Variants in CCDC127 observed in about 807,000 individuals in gnomAD.
CCDC127 encodes the protein coiled-coil domain-containing protein 127.
In CCDC127, 2 loss-of-function variants were observed where a neutral mutation model predicts 4.1. That is an observed-to-expected ratio of 0.49 (90% confidence interval 0.20 to 1.53). CCDC127 has a LOEUF of 1.53. Ranked by LOEUF, CCDC127 falls within the 40% of genes most tolerant of loss-of-function variation. The pLI is 0.23. For synonymous variants in CCDC127, 98 were observed against 120.4 expected, an observed-to-expected ratio of 0.81 and a Z score of 1.22; for missense variants, 271 against 322.9, an observed-to-expected ratio of 0.84 and a Z score of 1.23.
chr5:205,677 G>A lies in CCDC127; in HGVS notation c.403C>T (p.Gln135Ter). ...CTCAAATACGCACTTCTCAAAGGCT[G>A]CACCTGTCTTTTTTCTTGCATCACC... is the stretch of plus-strand genomic sequence containing the variant. The part of the protein sequence containing the change: ...AQVMQEKRQV[Q>*]PLRSAYLSCL... Residue 135 changes from glutamine to a stop codon, truncating the protein, a stop_gained, in exon 3 of 3, where the codon CAG becomes TAG. Transcript: ENST00000296824. LOFTEE classifies it low-confidence loss of function (END_TRUNC). The A allele has an allele frequency of 6.2e-7, 1 of 1,614,106 alleles. No homozygotes were observed. Among genetic ancestry groups the A allele is most frequent in the Non-Finnish European group, 8.5e-7 (1 of 1,180,018 alleles).
intron 2 of CCDC127, chr5:216,341 G>C (rs1734383157): frequency 8.7e-6 from 2 of 228,906 alleles, no homozygotes; most frequent in Admixed American, 1.0e-4. Context: ...CAGCCCACTG[G>C]TTTCCTTTAC....
Position 201,297 on chromosome 5 carries a change from C to T in CCDC127, c.*4000G>A, listed in dbSNP as rs1180408750. On this transcript the variant is annotated 3_prime_UTR_variant, in exon 3 of 3. Transcript: ENST00000296824. ...TAGCAAACCTAATATGTGAAAGTAA[C>T]TAGAAAGCTGTTTTCTCCCTTCTGC... The T allele has an allele frequency of 6.6e-6, 1 of 152,248 alleles. No homozygotes were observed. Among genetic ancestry groups the T allele is most frequent in the Non-Finnish European group, 1.5e-5 (1 of 68,062 alleles). The allele number at this position is 152,248 out of a possible 1,614,324, so 9.4% of individuals were successfully genotyped here.
Position 205,672 on chromosome 5 carries a change from A to C in CCDC127, c.408T>G (p.Pro136=), listed in dbSNP as rs373349816. 3.5e-5 allele frequency: 57 copies of C among 1,614,052 alleles called. No homozygotes were observed. The African/African-American group carries it at 7.3e-4, about 21-fold the overall frequency. ...GGCAGCTCAAATACGCACTTCTCAA[A>C]GGCTGCACCTGTCTTTTTTCTTGCA... ...QVMQEKRQVQ[P]LRSAYLSCLQ... The change falls in exon 3 of 3, where the codon CCT becomes CCG. Residue 136 remains proline (P), a synonymous_variant. Coordinates refer to ENST00000296824, the MANE Select transcript of CCDC127 (RefSeq NM_145265.3).
At position 204,662 on chromosome 5, in the gene CCDC127, CA is replaced by C. The variant is rs1391968454; in HGVS notation, c.*634del. 3 of 152,204 alleles carry C rather than the reference CA, an allele frequency of 2.0e-5. No individual in the cohort carries two copies. The highest frequency in any genetic ancestry group is 7.2e-5 in the African/African-American group (3 of 41,402). The allele number at this position is 152,204 out of a possible 1,614,324, so 9.4% of individuals were successfully genotyped here. ...ACACACATTAGGTAACAACTGCATACAACACACACACATTAGGTAACAACTG... is the reference window on the plus strand; with the variant it reads ...ACACACATTAGGTAACAACTGCATACACACACACACATTAGGTAACAACTG... On this transcript the variant is annotated 3_prime_UTR_variant, in exon 3 of 3. Coordinates refer to ENST00000296824, the MANE Select transcript of CCDC127 (RefSeq NM_145265.3).
rs1560974396 is a variant in CCDC127 at position 205,247 on chromosome 5, A to G, written c.*50T>C. 1 of 1,536,282 alleles carries G rather than the reference A, an allele frequency of 6.5e-7. No homozygotes were observed. ...AAGACGCCGGAGACCCAGAAGGCGCATGACTGCCTGGCCTCGAGTCACTAA... is the reference window on the plus strand; with the variant it reads ...AAGACGCCGGAGACCCAGAAGGCGCGTGACTGCCTGGCCTCGAGTCACTAA... On this transcript the variant is annotated 3_prime_UTR_variant, in exon 3 of 3. Transcript: ENST00000296824.
chr5:205,296 C>G lies in CCDC127; in HGVS notation c.*1G>C. 6.3e-7 allele frequency: 1 copy of G among 1,599,892 alleles called. No individual in the cohort carries two copies. Among genetic ancestry groups the G allele is most frequent in the Non-Finnish European group, 8.5e-7 (1 of 1,170,560 alleles). On this transcript the variant is annotated 3_prime_UTR_variant, in exon 3 of 3. Transcript: ENST00000296824. Reference sequence around the variant, plus strand: ...AAAAGCAGTTTGATTTCACTCTTGTCTTACTTTTCTAGTATGGCTTCCTCT... The same window carrying G: ...AAAAGCAGTTTGATTTCACTCTTGTGTTACTTTTCTAGTATGGCTTCCTCT...
In CCDC127 at chr5:197,060, A is replaced by C. The variant is rs572032781; in HGVS notation, c.*8237T>G. 6.6e-6 allele frequency: 1 copy of C among 151,330 alleles called. No homozygotes were observed. Among genetic ancestry groups the C allele is most frequent in the Non-Finnish European group, 1.5e-5 (1 of 67,872 alleles). The allele number at this position is 151,330 out of a possible 1,614,324, so 9.4% of individuals were successfully genotyped here. ...GTGTGAGCAAAAGAATCTATGTCGT[A>C]ATTAAGTTCAAGGGAAGGTACTATG... is the stretch of plus-strand genomic sequence containing the variant. On this transcript the variant is annotated 3_prime_UTR_variant, in exon 3 of 3. Coordinates refer to ENST00000296824, the MANE Select transcript of CCDC127 (RefSeq NM_145265.3).
chr5:209,056 T>G (rs565290307), intron 2 of CCDC127, among the ~76,000 whole-genome samples: 1 of 151,726 alleles, frequency 6.6e-6, no homozygotes, highest in East Asian at 1.9e-4. Flanking sequence ...ACAGAACAAC[T>G]CGAAGAAAAA....
Position 204,355 on chromosome 5 carries a change from G to A in CCDC127, c.*942C>T, listed in dbSNP as rs931773155. ...TAGTAATACTCACTTCACAGGATTC[G>A]ACTGAGGATTCCATGAGTGAACAGG... On this transcript the variant is annotated 3_prime_UTR_variant, in exon 3 of 3. Coordinates refer to ENST00000296824, the MANE Select transcript of CCDC127 (RefSeq NM_145265.3). 1 of 152,242 alleles carries A rather than the reference G, an allele frequency of 6.6e-6. No individual in the cohort carries two copies. Among genetic ancestry groups the A allele is most frequent in the Non-Finnish European group, 1.5e-5 (1 of 68,056 alleles). 9.4% of individuals were successfully genotyped at this position (152,242 alleles called of 1,614,324 possible). A position where few individuals can be genotyped will look rare whatever the true frequency, so the allele number is the denominator to read the frequency against.
intron 2 of CCDC127, among the ~76,000 whole-genome samples, chr5:211,251 T>C (rs1213382834): frequency 8.7e-6 from 1 of 115,574 alleles, no homozygotes; most frequent in East Asian, 3.0e-4. Flanking sequence ...CACACACCCA[T>C]CATGATGGGG....
At chr5:217,305 G>A (rs1460711261) in intron 1 of CCDC127, 3 of 160,028 alleles carry the variant, frequency 1.9e-5, no homozygotes, top group Non-Finnish European at 4.1e-5. Flanking sequence ...CTGCTGCGAT[G>A]GTTAATTTTG....
At chr5:210,843 T>TGA (rs1193817249) in intron 2 of CCDC127, among the ~76,000 whole-genome samples, 1 of 72,144 alleles carries the variant, frequency 1.4e-5, no homozygotes, top group African/African-American at 7.1e-5. Flanking sequence ...GTGAGCACAC[T>TGA]GATGCTCGAC....
rs556307850 is a variant in CCDC127, at chr5:202,904, A to T, written c.*2393T>A. 1 of 152,192 alleles carries T rather than the reference A, an allele frequency of 6.6e-6. No individual in the cohort carries two copies. 9.4% of individuals were successfully genotyped at this position (152,192 alleles called of 1,614,324 possible). A position where few individuals can be genotyped will look rare whatever the true frequency, so the allele number is the denominator to read the frequency against. On this transcript the variant is annotated 3_prime_UTR_variant, in exon 3 of 3. Transcript: ENST00000296824. ...TGATGCATCAGGAAGTACAAACAAC[A>T]ACAGGAAGAGTTTTGTCCAGATTTA... is the stretch of plus-strand genomic sequence containing the variant.
At position 198,701 on chromosome 5, in the gene CCDC127, T is replaced by C. The variant is rs1397603146; in HGVS notation, c.*6596A>G. 1 of 152,334 alleles carries C rather than the reference T, an allele frequency of 6.6e-6. No homozygotes were observed. Among genetic ancestry groups the C allele is most frequent in the Non-Finnish European group, 1.5e-5 (1 of 68,106 alleles). The allele number at this position is 152,334 out of a possible 1,614,324, so 9.4% of individuals were successfully genotyped here. ...GCTCCTACTGAACTGATCGGCCCCA[T>C]CCTGCATGGCCGTTCACCATTCGCT... On this transcript the variant is annotated 3_prime_UTR_variant, in exon 3 of 3. Transcript: ENST00000296824.
In CCDC127 at chr5:213,272, G is replaced by C. The variant is rs376056191; in HGVS notation, c.121+3457C>G. Among the ~76,000 whole-genome samples, 8 of 77,728 alleles carry C rather than the reference G, an allele frequency of 1.0e-4. 1 individual carries two copies. Among genetic ancestry groups the C allele is most frequent in the Middle Eastern group, 8.3e-3 (1 of 120 alleles). The allele number at this position is 77,728 out of a possible 152,430, so 51.0% of individuals were successfully genotyped here. Reference sequence around the variant, plus strand: ...TGTGAGCACACTGATGCTCGACATCGCACACTGCAGCCACGACGAGACAGC... The same window carrying C: ...TGTGAGCACACTGATGCTCGACATCCCACACTGCAGCCACGACGAGACAGC... On this transcript the variant is annotated intron_variant, in intron 2 of 2. Coordinates refer to ENST00000296824, the MANE Select transcript of CCDC127 (RefSeq NM_145265.3).
chr5:215,879 A>G (rs544379782), intron 2 of CCDC127: 9 of 152,180 alleles, frequency 5.9e-5, no homozygotes, highest in African/African-American at 2.2e-4. Context: ...CCTCTGCATC[A>G]GTGAATTGAT....
At chr5:209,170 G>A (rs1734237600) in intron 2 of CCDC127, among the ~76,000 whole-genome samples, 1 of 97,566 alleles carries the variant, frequency 1.0e-5, no homozygotes, top group Non-Finnish European at 2.1e-5. Flanking sequence ...CACAAACACA[G>A]AAACAACCCT....
rs995074267 is a variant in CCDC127 at position 202,905 on chromosome 5, A to C, written c.*2392T>G. 1 of 150,888 alleles carries C rather than the reference A, an allele frequency of 6.6e-6. No individual in the cohort carries two copies. The highest frequency in any genetic ancestry group is 2.1e-4 in the South Asian group (1 of 4,776). The allele number at this position is 150,888 out of a possible 1,614,324, so 9.3% of individuals were successfully genotyped here. A position where few individuals can be genotyped will look rare whatever the true frequency, so the allele number is the denominator to read the frequency against. ...GATGCATCAGGAAGTACAAACAACA[A>C]CAGGAAGAGTTTTGTCCAGATTTAC... On this transcript the variant is annotated 3_prime_UTR_variant, in exon 3 of 3. Coordinates refer to ENST00000296824, the MANE Select transcript of CCDC127 (RefSeq NM_145265.3).
intron 2 of CCDC127, chr5:214,995 T>C (rs1734351706): frequency 6.6e-6 from 1 of 151,030 alleles, no homozygotes; most frequent in African/African-American, 2.4e-5. Context: ...GCCACTGCAC[T>C]CCAGCCTGGC....
Sources: allele counts gnomAD v4.1 joint callset (sites outside exome capture counted in the v4.1 genomes callset), GRCh38; gene constraint gnomAD v4.1.1; transcripts MANE v1.5; gene names NCBI Gene and HGNC (gene_info 2026-07-23, HGNC 2026-07-21).